Variants in NRXN3 observed in about 807,000 individuals in gnomAD.
NRXN3 encodes the protein neurexin 3.
In NRXN3, 32 loss-of-function variants were observed where a neutral mutation model predicts 137.6. That is an observed-to-expected ratio of 0.23 (90% CI 0.18 to 0.31). NRXN3 has a LOEUF of 0.31. NRXN3 is among the 10% of genes least tolerant of loss of function. The probability of loss-of-function intolerance (pLI) is 1.00; values close to 1 mark genes in which losing one functional copy is unlikely to be tolerated. For synonymous variants in NRXN3, 798 were observed against 784.5 expected, an observed-to-expected ratio of 1.02 and a Z score of -0.29; for missense variants, 1,574 against 2,062.5, an observed-to-expected ratio of 0.76 and a Z score of 4.59.
intron 15 of NRXN3, among the ~76,000 whole-genome samples, chr14:79,301,023 A>G (rs140242842): frequency 0.016 from 2,398 of 152,212 alleles, 63 homozygotes; most frequent in African/African-American, 0.055. Flanking sequence ...CTCCACAAGC[A>G]CATTGCTTCT....
At chr14:79,729,893 T>G (rs2098915502) in intron 19 of NRXN3, among the ~76,000 whole-genome samples, 2 of 152,178 alleles carry the variant, frequency 1.3e-5, no homozygotes, top group Non-Finnish European at 2.9e-5. Context: ...TTTGAGGCAC[T>G]AATTGGGCTG....
Position 79,865,654 on chromosome 14 carries a change from G to C in NRXN3, c.*3690G>C, listed in dbSNP as rs1164347099. Reference sequence around the variant, plus strand: ...ATTAGATGTTCTCCCATCATTTTTTGAGATGGAGTCTTGCAGCCTACAGTG... The same window carrying C: ...ATTAGATGTTCTCCCATCATTTTTTCAGATGGAGTCTTGCAGCCTACAGTG... On this transcript the variant is annotated 3_prime_UTR_variant, in exon 21 of 21. Transcript: ENST00000335750. 6.6e-6 allele frequency: 1 copy of C among 151,470 alleles called. No homozygotes were observed. Among genetic ancestry groups the C allele is most frequent in the Non-Finnish European group, 1.5e-5 (1 of 67,910 alleles). The allele number at this position is 151,470 out of a possible 1,614,324, so 9.4% of individuals were successfully genotyped here. A position where few individuals can be genotyped will look rare whatever the true frequency, so the allele number is the denominator to read the frequency against.
At chr14:79,496,523 A>G (rs1035643009) in intron 16 of NRXN3, among the ~76,000 whole-genome samples, 6 of 152,210 alleles carry the variant, frequency 3.9e-5, no homozygotes, top group Non-Finnish European at 8.8e-5. Flanking sequence ...GGCTGTCATT[A>G]TGAACATCAG....
At chr14:79,123,334 A>G (rs577141832) in intron 15 of NRXN3, among the ~76,000 whole-genome samples, 13 of 152,250 alleles carry the variant, frequency 8.5e-5, no homozygotes, top group Admixed American at 7.2e-4. Flanking sequence ...GAGTTTTCCA[A>G]TTTCCATTGT....
intron 20 of NRXN3, among the ~76,000 whole-genome samples, chr14:79,836,466 G>GAA (rs60172013): frequency 3.1e-4 from 47 of 151,926 alleles, no homozygotes; most frequent in African/African-American, 1.0e-3. Flanking sequence ...CACTATTCTG[G>GAA]AAAAAAAATA....
intron 8 of NRXN3, among the ~76,000 whole-genome samples, chr14:78,797,970 G>A (rs1015180209): frequency 1.3e-5 from 2 of 152,148 alleles, no homozygotes; most frequent in East Asian, 3.9e-4. Context: ...TCCCACAGAT[G>A]CGGGAATTAT....
At chr14:78,677,339 T>G (rs2098018740) in intron 6 of NRXN3, among the ~76,000 whole-genome samples, 1 of 152,108 alleles carries the variant, frequency 6.6e-6, no homozygotes, top group Non-Finnish European at 1.5e-5. Context: ...CTTTGAGGTT[T>G]GGAAGAAGTT....
chr14:78,544,124 C>T (rs1372796963), intron 4 of NRXN3, among the ~76,000 whole-genome samples: 1 of 152,188 alleles, frequency 6.6e-6, no homozygotes, highest in African/African-American at 2.4e-5. Flanking sequence ...ATGCTGATAG[C>T]AGAGGAGCCC....
At chr14:79,303,466 T>A (rs2153224485) in intron 15 of NRXN3, among the ~76,000 whole-genome samples, 1 of 151,986 alleles carries the variant, frequency 6.6e-6, no homozygotes, top group East Asian at 1.9e-4. Flanking sequence ...AGCATTGGAG[T>A]TAATGGGAAT....
Position 78,645,736 on chromosome 14 carries a change from T to A in NRXN3, c.1059+315T>A, listed in dbSNP as rs183559198. On this transcript the variant is annotated intron_variant, in intron 5 of 20. Coordinates refer to ENST00000335750, the MANE Select transcript of NRXN3 (RefSeq NM_001330195.2). Reference sequence around the variant, plus strand: ...CCTTTGATCATTTTCTTAATTACATTTGAATCTTATCGTATTATTGTTAAA... The same window carrying A: ...CCTTTGATCATTTTCTTAATTACATATGAATCTTATCGTATTATTGTTAAA... 2.0e-5 allele frequency among the ~76,000 whole-genome samples: 3 copies of A among 152,336 alleles called. No homozygotes were observed. In the East Asian group the frequency reaches 5.8e-4, roughly 29 times the overall value.
intron 4 of NRXN3, among the ~76,000 whole-genome samples, chr14:78,515,577 A>G (rs914832604): frequency 6.6e-6 from 1 of 152,110 alleles, no homozygotes; most frequent in Admixed American, 6.5e-5. Context: ...TATGAAAACT[A>G]CCTTTTGCCT....
At chr14:79,632,579 T>A (rs1382066336) in intron 16 of NRXN3, among the ~76,000 whole-genome samples, 1 of 152,190 alleles carries the variant, frequency 6.6e-6, no homozygotes, top group Admixed American at 6.5e-5. Flanking sequence ...ATTGACAGTC[T>A]CACCCATGTT....
intron 20 of NRXN3, among the ~76,000 whole-genome samples, chr14:79,838,907 G>A (rs2099349915): frequency 6.6e-6 from 1 of 152,202 alleles, no homozygotes; most frequent in South Asian, 2.1e-4. Flanking sequence ...ACCAGTTAGA[G>A]GTGGTCAAAA....
At chr14:78,254,336 G>C (rs2069141136) in intron 2 of NRXN3, among the ~76,000 whole-genome samples, 2 of 152,110 alleles carry the variant, frequency 1.3e-5, no homozygotes, top group African/African-American at 4.8e-5. Flanking sequence ...TAGGTTTTTA[G>C]CGTCTCTGAA....
intron 4 of NRXN3, among the ~76,000 whole-genome samples, chr14:78,612,919 G>C (rs2152473401): frequency 6.6e-6 from 1 of 152,284 alleles, no homozygotes; most frequent in Non-Finnish European, 1.5e-5. Flanking sequence ...GCTGTTGCTT[G>C]GTTTCTTTCC....
At position 79,619,355 on chromosome 14, in the gene NRXN3, T is replaced by C. The variant is rs1177391854; in HGVS notation, c.3445-44423T>C. 2.0e-5 allele frequency among the ~76,000 whole-genome samples: 3 copies of C among 152,140 alleles called. No homozygotes were observed. In the East Asian group the frequency reaches 5.8e-4, roughly 29 times the overall value. On this transcript the variant is annotated intron_variant, in intron 16 of 20. Coordinates refer to ENST00000335750, the MANE Select transcript of NRXN3 (RefSeq NM_001330195.2). Reference sequence around the variant, plus strand: ...ATTTTTAGGTCTCACATTTAAGTTTTCAATCTATCTTAAATAATATTTGTA... The same window carrying C: ...ATTTTTAGGTCTCACATTTAAGTTTCCAATCTATCTTAAATAATATTTGTA...
chr14:79,424,778 T>A (rs1366633306), intron 15 of NRXN3, among the ~76,000 whole-genome samples: 1 of 152,174 alleles, frequency 6.6e-6, no homozygotes, highest in Non-Finnish European at 1.5e-5. Flanking sequence ...TTCTAATTTC[T>A]CCTCCCTCCC....
chr14:78,994,685 A>G (rs1203792661), intron 15 of NRXN3, among the ~76,000 whole-genome samples: 1 of 152,252 alleles, frequency 6.6e-6, no homozygotes, highest in African/African-American at 2.4e-5. Context: ...ACTGCTTTAA[A>G]TGCCAGTCCT....
At chr14:79,339,073 C>T (rs2092448870) in intron 15 of NRXN3, among the ~76,000 whole-genome samples, 1 of 152,150 alleles carries the variant, frequency 6.6e-6, no homozygotes, top group African/African-American at 2.4e-5. Context: ...CCCTCCCCAC[C>T]CACTGACCTC....
Sources: gnomAD v4.1 joint callset for allele counts (sites outside exome capture counted in the v4.1 genomes callset) on GRCh38, gnomAD v4.1.1 for gene constraint, MANE v1.5 for transcripts, NCBI Gene and HGNC (gene_info 2026-07-23, HGNC 2026-07-21) for gene names.